GARRE1: variants seen among roughly 807,000 people sequenced by gnomAD.
GARRE1 encodes granule associated Rac and RHOG effector 1, also known as granule associated Rac and RHOG effector protein 1.
Under a neutral mutation model 103.2 loss-of-function variants are expected in GARRE1, and 49 were observed. That is an observed-to-expected ratio of 0.47 (90% CI 0.38 to 0.60). The LOEUF is 0.60. GARRE1 is among the 20% of genes least tolerant of loss of function. The pLI is 0.00. For missense variants in GARRE1, 1,199 were observed against 1,370.5 expected (o/e 0.87, Z 1.98); for synonymous variants, 505 against 532.8 (o/e 0.95, Z 0.72).
intron 1 of GARRE1, among the ~76,000 whole-genome samples, chr19:34,265,402 T>G (rs1394489744): frequency 6.6e-6 from 1 of 152,188 alleles, no homozygotes; most frequent in African/African-American, 2.4e-5. Flanking sequence ...CGCTACATCC[T>G]TGTGCTTGAG....
intron 7 of GARRE1, among the ~76,000 whole-genome samples, chr19:34,333,409 C>T (rs376515919): frequency 1.8e-4 from 28 of 152,142 alleles, no homozygotes; most frequent in African/African-American, 4.6e-4. Context: ...AGATAAAGGA[C>T]GCAAATTAAT....
In GARRE1 at chr19:34,300,628, C is replaced by T. The variant is rs752436465; in HGVS notation, c.155C>T (p.Ala52Val). 1.9e-6 allele frequency: 3 copies of T among 1,613,542 alleles called. No individual in the cohort carries two copies. The highest frequency in any genetic ancestry group is 4.5e-5 in the East Asian group (2 of 44,890). The change falls in exon 2 of 14, where the codon GCC becomes GTC. Residue 52 changes from alanine (A) to valine (V), a missense_variant. Coordinates refer to ENST00000299505, the MANE Select transcript of GARRE1 (RefSeq NM_014686.5). The stretch of plus-strand genomic sequence containing the variant: ...CCCCTGGCATCCACGGCCACCACTG[C>T]CCCCCTGGGCAGTCTGACCGCTGCA... ...SAPLASTATT[A>V]PLGSLTAAGS...
intron 1 of GARRE1, among the ~76,000 whole-genome samples, chr19:34,259,246 A>G (rs1335511004): frequency 6.6e-6 from 1 of 152,244 alleles, no homozygotes; most frequent in Non-Finnish European, 1.5e-5. Context: ...TAAGGTTCTT[A>G]CCAGCCGGTG....
At chr19:34,260,738 A>G (rs948505216) in intron 1 of GARRE1, among the ~76,000 whole-genome samples, 7 of 152,392 alleles carry the variant, frequency 4.6e-5, no homozygotes, top group East Asian at 1.9e-4. Context: ...TAGAAAAGAT[A>G]TAAGTCAAAA....
intron 1 of GARRE1, among the ~76,000 whole-genome samples, chr19:34,257,492 C>A: frequency 1.0e-5 from 1 of 98,272 alleles, no homozygotes; most frequent in East Asian, 2.1e-4. Flanking sequence ...TGTGAGCCAC[C>A]ACCCCTGGCT....
Position 34,341,444 on chromosome 19 carries a change from C to G in GARRE1, c.1510C>G (p.Gln504Glu). The change falls in exon 10 of 14, where the codon CAG becomes GAG. Residue 504 changes from glutamine (Q) to glutamate (E), a missense_variant. Physicochemically the swap from Gln to Glu is conservative, Grantham distance 29 (BLOSUM62 2). Coordinates refer to ENST00000299505, the MANE Select transcript of GARRE1 (RefSeq NM_014686.5). ...AGREQALPCI[Q>E]IQLQREICDF... ...TAGGGAGCAAGCTTTACCCTGCATA[C>G]AGATCCAGCTGCAAAGGGAGATCTG... 6.2e-7 allele frequency: 1 copy of G among 1,613,352 alleles called. No individual in the cohort carries two copies. The highest frequency in any genetic ancestry group is 8.5e-7 in the Non-Finnish European group (1 of 1,179,876).
At chr19:34,325,573 T>C (rs2074107628) in intron 3 of GARRE1, among the ~76,000 whole-genome samples, 2 of 152,124 alleles carry the variant, frequency 1.3e-5, no homozygotes, top group South Asian at 4.1e-4. Context: ...CCCAGATCTG[T>C]CCCCTTCTTC....
At chr19:34,330,158 A>G in intron 6 of GARRE1, 31 bp from the exon 7 acceptor site, 1 of 1,597,186 alleles carries the variant, frequency 6.3e-7, no homozygotes, top group Non-Finnish European at 8.6e-7. Context: ...CTTTGTCTTG[A>G]GGTGTGAACT....
At position 34,328,032 on chromosome 19, in the gene GARRE1, C is replaced by T; in HGVS notation, c.985C>T (p.Gln329Ter). Residue 329 changes from glutamine to a stop codon, truncating the protein, a stop_gained, in exon 6 of 14, where the codon CAG (glutamine) becomes TAG (stop). Coordinates refer to ENST00000299505, the MANE Select transcript of GARRE1 (RefSeq NM_014686.5). LOFTEE classifies it high-confidence loss of function. ...GGAAGCCCAGCAGACGGGGCGGAGG[C>T]AGACACCCCCGCAGCCCATGCAGTG... is the stretch of plus-strand genomic sequence containing the variant. Reference protein sequence around the residue: ...EAEAQQTGRRQTPPQPMQCEL... With the variant: ...EAEAQQTGRR 1 of 1,614,150 alleles carries T rather than the reference C, an allele frequency of 6.2e-7. No individual in the cohort carries two copies. The highest frequency in any genetic ancestry group is 8.5e-7 in the Non-Finnish European group (1 of 1,180,036).
rs762990061 is a variant in GARRE1 at position 34,330,177 on chromosome 19, A to G, written c.1105-12A>G. The G allele has an allele frequency of 1.9e-6, 3 of 1,611,678 alleles. No homozygotes were observed. The highest frequency in any genetic ancestry group is 3.3e-5 in the Admixed American group (2 of 59,942). ...GTCTTGAGGTGTGAACTCTCTTCTTATCAATCTATAGCATACAATGTTACA... is the reference window on the plus strand; with the variant it reads ...GTCTTGAGGTGTGAACTCTCTTCTTGTCAATCTATAGCATACAATGTTACA... On this transcript the variant is annotated splice_polypyrimidine_tract_variant and intron_variant, in intron 6 of 13. Transcript: ENST00000299505.
chr19:34,342,592 G>A (rs1255037161), intron 10 of GARRE1, 137 bp downstream of exon 10: 1 of 777,900 alleles, frequency 1.3e-6, no homozygotes, highest in Non-Finnish European at 2.0e-6. Flanking sequence ...TTCTCACTGT[G>A]GAGGCAAGTA....
In GARRE1 at chr19:34,327,793, G is replaced by A. The variant is rs535714834; in HGVS notation, c.869G>A (p.Ser290Asn). Residue 290 changes from serine (S) to asparagine (N), a missense_variant, in exon 5 of 14, where the codon AGC becomes AAC. Ser to Asn is a conservative substitution (Grantham distance 46). Transcript: ENST00000299505. ...CAGGCATATAAGATAGCTCTGGAAA[G>A]CTTAGGACACTGTGAATATGCAATG... The part of the protein sequence containing the change: ...ALQAYKIALE[S>N]LGHCEYAMKA... 2 of 1,614,122 alleles carry A rather than the reference G, an allele frequency of 1.2e-6. No individual in the cohort carries two copies. Among genetic ancestry groups the A allele is most frequent in the Admixed American group, 1.7e-5 (1 of 60,020 alleles).
intron 3 of GARRE1, among the ~76,000 whole-genome samples, chr19:34,322,423 T>C (rs2145262552): frequency 6.6e-6 from 1 of 151,004 alleles, no homozygotes; most frequent in African/African-American, 2.4e-5. Context: ...CCACCTGCCT[T>C]GTCCTTCCAA....
chr19:34,294,184 C>T (rs1456978984), intron 1 of GARRE1, among the ~76,000 whole-genome samples: 2 of 151,654 alleles, frequency 1.3e-5, no homozygotes, highest in Admixed American at 1.3e-4. Context: ...CTTTTAGAGG[C>T]CAAGGTAGGA....
intron 2 of GARRE1, among the ~76,000 whole-genome samples, chr19:34,311,961 T>A (rs2074038883): frequency 6.6e-6 from 1 of 152,114 alleles, no homozygotes; most frequent in South Asian, 2.1e-4. Context: ...GATTTTTTTT[T>A]AATTAAAAAT....
At chr19:34,279,591 G>A (rs943099287) in intron 1 of GARRE1, among the ~76,000 whole-genome samples, 2 of 152,064 alleles carry the variant, frequency 1.3e-5, no homozygotes, top group Non-Finnish European at 2.9e-5. Context: ...TCTCACTGTG[G>A]TTTTGATTTG....
chr19:34,349,834 G>A (rs963132283), intron 12 of GARRE1, among the ~76,000 whole-genome samples: 2 of 152,236 alleles, frequency 1.3e-5, no homozygotes, highest in Non-Finnish European at 2.9e-5. Context: ...AGTGGGGAGC[G>A]GGTAGGTGAA....
chr19:34,304,361 G>A (rs1346223669), intron 2 of GARRE1, among the ~76,000 whole-genome samples: 4 of 150,702 alleles, frequency 2.7e-5, no homozygotes, highest in Non-Finnish European at 5.9e-5. Context: ...CACCGTGCTC[G>A]GCCATCTTTG....
intron 2 of GARRE1, among the ~76,000 whole-genome samples, chr19:34,303,104 A>G (rs2073989164): frequency 6.6e-6 from 1 of 152,258 alleles, no homozygotes; most frequent in South Asian, 2.1e-4. Context: ...ATGTAAGATT[A>G]GAATACAAGT....
Sources: gnomAD v4.1 joint callset for allele counts (sites outside exome capture counted in the v4.1 genomes callset) on GRCh38, gnomAD v4.1.1 for gene constraint, MANE v1.5 for transcripts, NCBI Gene and HGNC (gene_info 2026-07-23, HGNC 2026-07-21) for gene names.